ASTN2: variants seen among roughly 807,000 people sequenced by gnomAD.
ASTN2 encodes the protein astrotactin-2.
ASTN2 carries 54 observed loss-of-function variants against 139.8 expected under a neutral mutation model. The observed-to-expected ratio is 0.39, with a 90% CI of 0.31 to 0.48. ASTN2 has a LOEUF of 0.48. Among genes scored for constraint, ASTN2 ranks in the 20% least tolerant of loss-of-function variants. The probability of loss-of-function intolerance (pLI) is 0.95; values close to 1 mark genes in which losing one functional copy is unlikely to be tolerated. For synonymous variants in ASTN2, 756 were observed against 719.5 expected (o/e 1.05, Z -0.81); for missense variants, 1,565 against 1,725.1 (o/e 0.91, Z 1.64).
At position 117,406,531 on chromosome 9, in the gene ASTN2, T is replaced by G. The variant is rs558645193; in HGVS notation, c.442+7966A>C. On this transcript the variant is annotated intron_variant, in intron 1 of 22. Coordinates refer to ENST00000313400, the MANE Select transcript of ASTN2 (RefSeq NM_001365068.1). Reference sequence around the variant, plus strand: ...TCACTGCATTCCAGCCACACCGACCTTCATGCTGTCCCTTGAAAGGTCCAG... The same window carrying G: ...TCACTGCATTCCAGCCACACCGACCGTCATGCTGTCCCTTGAAAGGTCCAG... Among the ~76,000 whole-genome samples the G allele has an allele frequency of 4.6e-5, 7 of 152,142 alleles. No individual in the cohort carries two copies. In the East Asian group the frequency reaches 1.4e-3, roughly 30 times the overall value.
chr9:117,016,642 A>ATGT (rs1837702579), intron 6 of ASTN2, among the ~76,000 whole-genome samples: 1 of 21,018 alleles, frequency 4.8e-5, no homozygotes, highest in Admixed American at 7.5e-4. Context: ...ATATATATAT[A>ATGT]TATATATATA....
intron 5 of ASTN2, among the ~76,000 whole-genome samples, chr9:117,052,327 C>G (rs1473705893): frequency 6.6e-6 from 1 of 151,738 alleles, no homozygotes; most frequent in Non-Finnish European, 1.5e-5. Flanking sequence ...GTAGTCCCAG[C>G]CTCTCAGGAG....
intron 13 of ASTN2, among the ~76,000 whole-genome samples, chr9:116,781,254 T>A (rs892310864): frequency 6.6e-6 from 1 of 152,162 alleles, no homozygotes; most frequent in African/African-American, 2.4e-5. Flanking sequence ...ACAGGCCTTG[T>A]CTTGGAAAGA....
At chr9:116,427,744 C>G (rs192011103) in intron 22 of ASTN2, among the ~76,000 whole-genome samples, 1 of 152,346 alleles carries the variant, frequency 6.6e-6, no homozygotes, top group East Asian at 1.9e-4. Context: ...GTATAGTTCA[C>G]CACTTGGGTG....
intron 11 of ASTN2, among the ~76,000 whole-genome samples, chr9:116,830,313 A>G (rs1831768185): frequency 6.6e-6 from 1 of 152,224 alleles, no homozygotes; most frequent in Admixed American, 6.5e-5. Flanking sequence ...AATGGCTACT[A>G]TTAAAAAGTC....
intron 13 of ASTN2, among the ~76,000 whole-genome samples, chr9:116,764,216 C>G (rs767826383): frequency 6.6e-6 from 1 of 152,218 alleles, no homozygotes; most frequent in Non-Finnish European, 1.5e-5. Context: ...CGCTAGCATG[C>G]AGTCTTTAGC....
At chr9:117,075,730 C>T (rs1195745905) in intron 5 of ASTN2, among the ~76,000 whole-genome samples, 1 of 152,144 alleles carries the variant, frequency 6.6e-6, no homozygotes, top group Non-Finnish European at 1.5e-5. Flanking sequence ...GTAAAAATTA[C>T]AACTTAAAAG....
Position 117,120,049 on chromosome 9 carries a change from T to TATATATAC in ASTN2, c.1168+21276_1168+21277insGTATATAT, listed in dbSNP as rs1433485798. 2.1e-3 allele frequency among the ~76,000 whole-genome samples: 266 copies of TATATATAC among 129,322 alleles called. 10 individuals are homozygous for TATATATAC. The highest frequency in any genetic ancestry group is 7.4e-3 in the African/African-American group (236 of 31,758). 84.8% of individuals were successfully genotyped at this position (129,322 alleles called of 152,430 possible). ...ATATATATATATATATATATATATATACCCTGAGTATATATACTCAGAGAT... is the reference window on the plus strand; with the variant it reads ...ATATATATATATATATATATATATATATATATACACCCTGAGTATATATACTCAGAGAT... On this transcript the variant is annotated intron_variant, in intron 4 of 22. Transcript: ENST00000313400.
At chr9:117,378,343 T>C (rs1362913588) in intron 1 of ASTN2, among the ~76,000 whole-genome samples, 1 of 152,178 alleles carries the variant, frequency 6.6e-6, no homozygotes, top group African/African-American at 2.4e-5. Flanking sequence ...GAGGCAGATT[T>C]CCACTGGATA....
At chr9:116,734,966 T>C (rs1447938798) in intron 13 of ASTN2, among the ~76,000 whole-genome samples, 1 of 152,240 alleles carries the variant, frequency 6.6e-6, no homozygotes, top group Non-Finnish European at 1.5e-5. Flanking sequence ...TGAATCTTTA[T>C]AATTTGCTAG....
At chr9:116,448,664 A>G (rs564882637) in intron 20 of ASTN2, among the ~76,000 whole-genome samples, 14 of 152,348 alleles carry the variant, frequency 9.2e-5, no homozygotes, top group Admixed American at 2.0e-4. Context: ...TAGAAATTCT[A>G]CCATTGAGCC....
chr9:116,693,820 G>A (rs1331827273), intron 16 of ASTN2, among the ~76,000 whole-genome samples: 4 of 152,180 alleles, frequency 2.6e-5, no homozygotes. Flanking sequence ...GGAAACTGAA[G>A]TCAAATTGAC....
intron 10 of ASTN2, among the ~76,000 whole-genome samples, chr9:116,874,435 C>T (rs527318356): frequency 5.3e-5 from 8 of 152,146 alleles, no homozygotes; most frequent in African/African-American, 1.7e-4. Flanking sequence ...TGAATAAGGG[C>T]AGGTGTTGAA....
chr9:117,212,551 C>G (rs1236761150), intron 3 of ASTN2, among the ~76,000 whole-genome samples: 6 of 150,874 alleles, frequency 4.0e-5, no homozygotes, highest in African/African-American at 1.5e-4. Flanking sequence ...GAGACTCAAA[C>G]ATTCCAACAG....
chr9:117,064,929 T>A (rs1270820894), intron 5 of ASTN2, among the ~76,000 whole-genome samples: 1 of 152,048 alleles, frequency 6.6e-6, no homozygotes, highest in East Asian at 1.9e-4. Flanking sequence ...TTACAAGACA[T>A]GTCTACCTGG....
intron 7 of ASTN2, among the ~76,000 whole-genome samples, chr9:116,982,613 T>C (rs1564370347): frequency 6.6e-6 from 1 of 152,098 alleles, no homozygotes; most frequent in African/African-American, 2.4e-5. Context: ...TTGCCCAAGC[T>C]GGAGTTCAGT....
intron 16 of ASTN2, among the ~76,000 whole-genome samples, chr9:116,660,166 GCGCACA>G (rs1290114133): frequency 4.6e-5 from 4 of 86,370 alleles, no homozygotes; most frequent in African/African-American, 1.9e-4. Context: ...CATATTGCAA[GCGCACA>G]CACACACACA....
chr9:117,255,852 A>G (rs1468477144), intron 2 of ASTN2, among the ~76,000 whole-genome samples: 1 of 152,166 alleles, frequency 6.6e-6, no homozygotes, highest in Non-Finnish European at 1.5e-5. Flanking sequence ...AAGTACCACA[A>G]TGAAGGGCAT....
intron 13 of ASTN2, among the ~76,000 whole-genome samples, chr9:116,800,288 T>TTC (rs1463994235): frequency 6.6e-6 from 1 of 152,154 alleles, no homozygotes; most frequent in East Asian, 1.9e-4. Context: ...AGACTGTTCT[T>TTC]TAGTGTCTCC....
Sources: gnomAD v4.1 joint callset for allele counts (sites outside exome capture counted in the v4.1 genomes callset) on GRCh38, gnomAD v4.1.1 for gene constraint, MANE v1.5 for transcripts, NCBI Gene and HGNC (gene_info 2026-07-23, HGNC 2026-07-21) for gene names.